The following SLC38A6 variants were observed in gnomAD, a reference collection of about 807,000 sequenced individuals.
The protein encoded by SLC38A6 is N system amino acid transporter NAT-1.
SLC38A6 carries 73 observed loss-of-function variants against 65.0 expected under a neutral mutation model. The ratio of observed to expected loss-of-function variants is 1.12; its 90% confidence interval spans 0.93 to 1.37. SLC38A6 has a LOEUF of 1.37. Ranked by LOEUF, SLC38A6 falls within the 40% of genes most tolerant of loss-of-function variation. SLC38A6 has a pLI of 0.00. For synonymous variants in SLC38A6, 183 were observed against 178.8 expected (o/e 1.02, Z -0.19); for missense variants, 561 against 531.1 (o/e 1.06, Z -0.55).
intron 3 of SLC38A6, among the ~76,000 whole-genome samples, chr14:60,989,683 T>C (rs1227830467): frequency 6.6e-6 from 1 of 152,188 alleles, no homozygotes; most frequent in Non-Finnish European, 1.5e-5. Flanking sequence ...GAGATCATGC[T>C]GTTGCACTTC....
intron 7 of SLC38A6, 22 bp from the exon 8 acceptor site, chr14:61,037,603 T>A: frequency 6.5e-7 from 1 of 1,543,220 alleles, no homozygotes; most frequent in Non-Finnish European, 8.8e-7. Flanking sequence ...AAATTGCTTT[T>A]TATTTTACTG....
At chr14:61,065,465 A>G (rs985102189) in intron 15 of SLC38A6, among the ~76,000 whole-genome samples, 5 of 152,166 alleles carry the variant, frequency 3.3e-5, no homozygotes, top group Admixed American at 6.5e-5. Flanking sequence ...CCTTTTTAAA[A>G]CATTTTCATC....
At chr14:61,045,017 T>C (rs1339933979) in intron 10 of SLC38A6, among the ~76,000 whole-genome samples, 2 of 152,156 alleles carry the variant, frequency 1.3e-5, no homozygotes, top group African/African-American at 2.4e-5. Flanking sequence ...TATTTTTATC[T>C]CATTTAAATA....
intron 5 of SLC38A6, among the ~76,000 whole-genome samples, chr14:61,030,171 G>A (rs1020267722): frequency 1.3e-5 from 2 of 151,970 alleles, no homozygotes; most frequent in Non-Finnish European, 2.9e-5. Flanking sequence ...AATCAAGACT[G>A]TTTCTCTTAC....
chr14:60,999,280 GA>G (rs984887429), intron 3 of SLC38A6, among the ~76,000 whole-genome samples: 9 of 152,278 alleles, frequency 5.9e-5, no homozygotes, highest in Admixed American at 5.9e-4. Flanking sequence ...CTCTGGCAAA[GA>G]AAACGTAGTC....
At chr14:61,013,355 C>G (rs1012190220) in intron 3 of SLC38A6, among the ~76,000 whole-genome samples, 20 of 152,236 alleles carry the variant, frequency 1.3e-4, no homozygotes, top group African/African-American at 4.6e-4. Context: ...CAGTCTGTGT[C>G]TTTTAATTGG....
At chr14:61,072,265 G>T (rs1566733094) in intron 15 of SLC38A6, among the ~76,000 whole-genome samples, 1 of 151,938 alleles carries the variant, frequency 6.6e-6, no homozygotes, top group African/African-American at 2.4e-5. Context: ...TACATAGTAG[G>T]TGTATATATT....
At chr14:61,047,407 C>T (rs577267030) in intron 12 of SLC38A6, among the ~76,000 whole-genome samples, 70 of 152,268 alleles carry the variant, frequency 4.6e-4, no homozygotes, top group Middle Eastern at 3.4e-3. Flanking sequence ...TACTCCCTAA[C>T]TTAATCCTTA....
At chr14:61,066,847 A>G (rs185998864) in intron 15 of SLC38A6, among the ~76,000 whole-genome samples, 1 of 152,254 alleles carries the variant, frequency 6.6e-6, no homozygotes, top group African/African-American at 2.4e-5. Flanking sequence ...CTGTGTATAT[A>G]TTTTATCTAG....
At chr14:61,023,498 G>T (rs1001530331) in intron 5 of SLC38A6, among the ~76,000 whole-genome samples, 1 of 151,200 alleles carries the variant, frequency 6.6e-6, no homozygotes, top group Non-Finnish European at 1.5e-5. Context: ...GTTTAAACCC[G>T]GTAGACGGAG....
At position 60,985,004 on chromosome 14, in the gene SLC38A6, G is replaced by C. The variant is rs555105203; in HGVS notation, c.310+201G>C. On this transcript the variant is annotated intron_variant, in intron 3 of 15. Transcript: ENST00000267488. ...ATATCCAAGCACAGGATGGGAGGAG[G>C]TAATTAGCATTTTTACCTGCTTTCC... is the stretch of plus-strand genomic sequence containing the variant. 2.0e-5 allele frequency among the ~76,000 whole-genome samples: 3 copies of C among 152,262 alleles called. No homozygotes were observed. In the East Asian group the frequency reaches 5.8e-4, roughly 29 times the overall value.
chr14:61,066,770 A>G (rs78521086), intron 15 of SLC38A6, among the ~76,000 whole-genome samples: 3,173 of 152,188 alleles, frequency 0.021, 117 homozygotes, highest in African/African-American at 0.073. Flanking sequence ...TTTTATCCGT[A>G]TTTGATTGAA....
chr14:61,046,329 A>G (rs904051754), intron 12 of SLC38A6, among the ~76,000 whole-genome samples, 162 bp downstream of exon 12: 3 of 152,194 alleles, frequency 2.0e-5, no homozygotes, highest in Admixed American at 1.3e-4. Context: ...AAACAATTGG[A>G]TTATCTTTCT....
At chr14:61,026,665 T>C (rs2040629801) in intron 5 of SLC38A6, among the ~76,000 whole-genome samples, 3 of 151,912 alleles carry the variant, frequency 2.0e-5, no homozygotes, top group Admixed American at 1.3e-4. Context: ...GTTGGTTTAC[T>C]TTTTCACTTT....
downstream of SLC38A6, among the ~76,000 whole-genome samples, chr14:61,054,035 TG>T (rs1170406401): frequency 6.6e-6 from 1 of 152,160 alleles, no homozygotes; most frequent in Non-Finnish European, 1.5e-5. Context: ...TAATCCATCT[TG>T]AGTTGATTTT....
Position 61,043,014 on chromosome 14 carries a change from G to T in SLC38A6, c.625-133G>T, listed in dbSNP as rs574245848. On this transcript the variant is annotated intron_variant, in intron 8 of 15. Coordinates refer to ENST00000267488, the MANE Select transcript of SLC38A6 (RefSeq NM_153811.3). The stretch of plus-strand genomic sequence containing the variant: ...GTTAAATGTTGACCCCATTCTAACC[G>T]GGAAAAGTCACAGAAGCAGAGACTC... 6.9e-6 allele frequency: 4 copies of T among 577,742 alleles called. No homozygotes were observed. In the South Asian group the frequency reaches 7.9e-5, roughly 11 times the overall value. The allele number at this position is 577,742 out of a possible 1,614,324, so 35.8% of individuals were successfully genotyped here. A position where few individuals can be genotyped will look rare whatever the true frequency, so the allele number is the denominator to read the frequency against.
intron 3 of SLC38A6, among the ~76,000 whole-genome samples, chr14:61,014,030 G>A (rs1040779269): frequency 2.0e-5 from 3 of 152,020 alleles, no homozygotes; most frequent in South Asian, 2.1e-4. Flanking sequence ...CCAATCAGAC[G>A]TAGATTTGGT....
At chr14:60,985,897 C>A (rs980356581) in intron 3 of SLC38A6, among the ~76,000 whole-genome samples, 1 of 151,962 alleles carries the variant, frequency 6.6e-6, no homozygotes, top group African/African-American at 2.4e-5. Context: ...AGAGAGGAAG[C>A]GAGAGAGGAG....
chr14:61,043,417 G>A, intron 9 of SLC38A6, 33 bp from the exon 10 acceptor site: 1 of 1,523,694 alleles, frequency 6.6e-7, no homozygotes, highest in Non-Finnish European at 8.9e-7. Context: ...ATGGCTGTTG[G>A]TTTCTCTTTT....
Sources: gnomAD v4.1 joint callset for allele counts (sites outside exome capture counted in the v4.1 genomes callset) on GRCh38, gnomAD v4.1.1 for gene constraint, MANE v1.5 for transcripts, NCBI Gene and HGNC (gene_info 2026-07-23, HGNC 2026-07-21) for gene names.